The following NAALADL2 variants were observed in gnomAD, a reference collection of about 807,000 sequenced individuals.
NAALADL2 encodes N-acetylated alpha-linked acidic dipeptidase like 2, also known as inactive N-acetylated-alpha-linked acidic dipeptidase-like protein 2.
A neutral mutation model predicts 87.2 loss-of-function variants in NAALADL2; 76 were observed. The observed-to-expected ratio is 0.87, with a 90% CI of 0.72 to 1.05. The LOEUF (loss-of-function observed/expected upper bound fraction) is 1.05. Among genes scored for constraint, NAALADL2 ranks in the 50% least tolerant of loss-of-function variants. The pLI is 0.00. For missense variants in NAALADL2, 1,089 were observed against 945.8 expected (o/e 1.15, Z -1.99); for synonymous variants, 354 against 331.0 (o/e 1.07, Z -0.75).
chr3:175,636,819 G>A (rs1427929001), intron 11 of NAALADL2, among the ~76,000 whole-genome samples: 2 of 151,956 alleles, frequency 1.3e-5, no homozygotes, highest in African/African-American at 4.8e-5. Context: ...CTGATTTTTT[G>A]GATAGTAATT....
At chr3:174,616,430 A>G (rs765077561) in intron 2 of NAALADL2, among the ~76,000 whole-genome samples, 10 of 151,998 alleles carry the variant, frequency 6.6e-5, no homozygotes, top group Non-Finnish European at 1.3e-4. Flanking sequence ...ACAGGCTCTG[A>G]ATGATGACCA....
At chr3:175,333,291 G>A (rs1761615046) in intron 5 of NAALADL2, among the ~76,000 whole-genome samples, 1 of 152,170 alleles carries the variant, frequency 6.6e-6, no homozygotes, top group Non-Finnish European at 1.5e-5. Context: ...CATCAAAGGT[G>A]GATGGGGCAG....
chr3:175,392,330 C>G lies in NAALADL2; in HGVS notation c.1091-54899C>G, dbSNP rs1265251184. Among the ~76,000 whole-genome samples the G allele has an allele frequency of 2.0e-5, 3 of 152,026 alleles. 1 individual carries two copies. The highest frequency in any genetic ancestry group is 7.3e-5 in the African/African-American group (3 of 41,376). Reference sequence around the variant, plus strand: ...ATTTTTTTTGTAAACACACTATTTGCTTACAAATATTTGACTACACATGAA... The same window carrying G: ...ATTTTTTTTGTAAACACACTATTTGGTTACAAATATTTGACTACACATGAA... On this transcript the variant is annotated intron_variant, in intron 5 of 13. Transcript: ENST00000454872.
chr3:175,449,588 T>A (rs903382817), intron 6 of NAALADL2, among the ~76,000 whole-genome samples: 7 of 151,586 alleles, frequency 4.6e-5, no homozygotes, highest in African/African-American at 1.7e-4. Context: ...AGAGACGGGG[T>A]CTCACCATGT....
intron 1 of NAALADL2, among the ~76,000 whole-genome samples, chr3:174,951,199 A>G (rs891938393): frequency 3.3e-5 from 5 of 152,066 alleles, no homozygotes; most frequent in Non-Finnish European, 7.4e-5. Context: ...TAATACCTTC[A>G]TGAGTCATGT....
chr3:174,885,680 C>T (rs1488604176), intron 1 of NAALADL2, among the ~76,000 whole-genome samples: 2 of 151,886 alleles, frequency 1.3e-5, no homozygotes, highest in Non-Finnish European at 2.9e-5. Flanking sequence ...AGAACTCCAT[C>T]CTTAATATTC....
At chr3:175,423,487 A>G (rs149970115) in intron 5 of NAALADL2, among the ~76,000 whole-genome samples, 2,332 of 141,758 alleles carry the variant, frequency 0.016, 123 homozygotes, top group East Asian at 0.15. Flanking sequence ...TCATTGTTCA[A>G]TTCCCACCTA....
intron 3 of NAALADL2, among the ~76,000 whole-genome samples, chr3:175,250,467 A>G (rs1193711796): frequency 6.6e-6 from 1 of 152,168 alleles, no homozygotes; most frequent in East Asian, 1.9e-4. Flanking sequence ...TATGACAGCC[A>G]ATTCTCAGAG....
chr3:174,618,703 T>A (rs1234208430), intron 2 of NAALADL2, among the ~76,000 whole-genome samples: 1 of 151,922 alleles, frequency 6.6e-6, no homozygotes, highest in East Asian at 1.9e-4. Context: ...CAACCAAATA[T>A]AAGTTCAAAA....
chr3:175,555,447 G>T (rs1483251031), intron 9 of NAALADL2, among the ~76,000 whole-genome samples: 1 of 152,124 alleles, frequency 6.6e-6, no homozygotes, highest in Non-Finnish European at 1.5e-5. Flanking sequence ...ACGTCGTGAA[G>T]TAATTTTCAA....
intron 11 of NAALADL2, among the ~76,000 whole-genome samples, chr3:175,643,357 A>G (rs1289200374): frequency 6.6e-6 from 1 of 152,188 alleles, no homozygotes; most frequent in Non-Finnish European, 1.5e-5. Context: ...TCTAGGATAT[A>G]TATGCTGGAA....
chr3:174,821,491 T>G (rs1408524853), intron 3 of NAALADL2, among the ~76,000 whole-genome samples: 1 of 152,212 alleles, frequency 6.6e-6, no homozygotes, highest in African/African-American at 2.4e-5. Context: ...TATATATTGT[T>G]TTAAAATGTG....
At chr3:175,442,107 G>C (rs1173456203) in intron 5 of NAALADL2, among the ~76,000 whole-genome samples, 1 of 152,006 alleles carries the variant, frequency 6.6e-6, no homozygotes, top group African/African-American at 2.4e-5. Context: ...ACCATGCCCA[G>C]CTAATTTTTG....
intron 2 of NAALADL2, among the ~76,000 whole-genome samples, chr3:175,195,825 T>C (rs1160262238): frequency 6.6e-6 from 1 of 151,938 alleles, no homozygotes; most frequent in African/African-American, 2.4e-5. Context: ...GCTTCAATGG[T>C]ATAATCCTTC....
At chr3:175,727,066 T>G (rs140771551) in intron 11 of NAALADL2, among the ~76,000 whole-genome samples, 251 of 152,258 alleles carry the variant, frequency 1.6e-3, no homozygotes, top group Non-Finnish European at 2.7e-3. Context: ...CTTGTTTATG[T>G]CTTCTTTCTT....
chr3:174,809,381 T>A (rs1269659236), intron 3 of NAALADL2, among the ~76,000 whole-genome samples: 1 of 152,204 alleles, frequency 6.6e-6, no homozygotes, highest in Middle Eastern at 3.2e-3. Flanking sequence ...AGTATTCAGA[T>A]ATGGCCTAAG....
intron 11 of NAALADL2, among the ~76,000 whole-genome samples, chr3:175,670,032 A>C (rs982549368): frequency 1.3e-5 from 2 of 152,050 alleles, no homozygotes; most frequent in African/African-American, 4.8e-5. Flanking sequence ...GAGCTTACTG[A>C]ATATCAGGAA....
At position 174,829,565 on chromosome 3, in the gene NAALADL2, G is replaced by T. The variant is rs1219993841; in HGVS notation, c.-9+91819G>T. Among the ~76,000 whole-genome samples the T allele has an allele frequency of 4.3e-5, 6 of 138,686 alleles. 1 individual carries two copies. Among genetic ancestry groups the T allele is most frequent in the Admixed American group, 7.3e-5 (1 of 13,742 alleles). The allele number at this position is 138,686 out of a possible 152,430, so 91.0% of individuals were successfully genotyped here. A position where few individuals can be genotyped will look rare whatever the true frequency, so the allele number is the denominator to read the frequency against. ...AGTCTTTGCTATTGTGAATAATGCC[G>T]CAATAAACATACGTGTGCATGTGTC... On this transcript the variant is annotated intron_variant, in intron 3 of 3. Transcript: ENST00000434257.
intron 2 of NAALADL2, among the ~76,000 whole-genome samples, chr3:174,701,752 T>C (rs1270694771): frequency 2.0e-5 from 3 of 152,172 alleles, no homozygotes; most frequent in Admixed American, 2.0e-4. Context: ...CATCCATCCA[T>C]GTTGTAGCAA....
Sources: gnomAD v4.1 joint callset for allele counts (sites outside exome capture counted in the v4.1 genomes callset) on GRCh38, gnomAD v4.1.1 for gene constraint, MANE v1.5 for transcripts, NCBI Gene and HGNC (gene_info 2026-07-23, HGNC 2026-07-21) for gene names.